Variants in SCGB2B2 observed in about 807,000 individuals in gnomAD.
SCGB2B2 encodes the protein secretoglobin family 2B member 2, also known as secretoglobin-like protein.
Under a neutral mutation model 7.6 loss-of-function variants are expected in SCGB2B2, and 11 were observed. The ratio of observed to expected loss-of-function variants is 1.45; its 90% CI spans 0.91 to 2.40. The LOEUF (loss-of-function observed/expected upper bound fraction) is 2.40. Among genes scored for constraint, SCGB2B2 ranks in the 30% most tolerant of loss-of-function variants. SCGB2B2 has a pLI of 0.00. For missense variants in SCGB2B2, 104 were observed against 115.4 expected (o/e 0.90, Z 0.45); for synonymous variants, 50 against 48.6 (o/e 1.03, Z -0.12).
intron 1 of SCGB2B2, among the ~76,000 whole-genome samples, chr19:34,607,490 G>A (rs1041229216): frequency 2.0e-5 from 3 of 152,070 alleles, no homozygotes; most frequent in South Asian, 2.1e-4. Flanking sequence ...TGGATCATAC[G>A]GTAGCTCTAT....
At chr19:34,635,345 T>A in intron 1 of SCGB2B2, 1 of 288,728 alleles carries the variant, frequency 3.5e-6, no homozygotes, top group Non-Finnish European at 7.2e-6. Context: ...ATTCACTGCA[T>A]CTGTAAGCCC....
At chr19:34,586,874 C>G (rs557679072), downstream of SCGB2B2, among the ~76,000 whole-genome samples, 63 of 152,270 alleles carry the variant, frequency 4.1e-4, no homozygotes, top group African/African-American at 1.3e-3. Context: ...AACTGCTTAT[C>G]ATGAAGTCAC....
In SCGB2B2 at chr19:34,593,480, C is replaced by CA; in HGVS notation, c.*74dup. 8.6e-7 allele frequency: 1 copy of CA among 1,165,074 alleles called. No homozygotes were observed. The highest frequency in any genetic ancestry group is 2.6e-5 in the East Asian group (1 of 38,942). 72.2% of individuals were successfully genotyped at this position (1,165,074 alleles called of 1,614,324 possible). On this transcript the variant is annotated 3_prime_UTR_variant, in exon 4 of 4. Coordinates refer to ENST00000601241, the MANE Select transcript of SCGB2B2 (RefSeq NM_001025591.4). The stretch of plus-strand genomic sequence containing the variant: ...TCATTGGGGTCTCTGTAGTGATGAA[C>CA]AGAGCCAGGCCAGGAACGCGGGGAG...
chr19:34,663,131 A>G (rs962749061), intron 1 of SCGB2B2, among the ~76,000 whole-genome samples: 30 of 152,348 alleles, frequency 2.0e-4, no homozygotes, highest in African/African-American at 7.0e-4. Flanking sequence ...GACACTGACA[A>G]TGCCACCTTG....
At chr19:34,643,270 A>G (rs2066897360) in intron 1 of SCGB2B2, among the ~76,000 whole-genome samples, 1 of 152,256 alleles carries the variant, frequency 6.6e-6, no homozygotes, top group Admixed American at 6.5e-5. Context: ...TTTTGCAGCA[A>G]CATGAATGGA....
chr19:34,631,656 A>G (rs2066538890), intron 1 of SCGB2B2, among the ~76,000 whole-genome samples: 1 of 152,182 alleles, frequency 6.6e-6, no homozygotes, highest in Non-Finnish European at 1.5e-5. Flanking sequence ...TATGGGTTAC[A>G]ACACTCAATA....
intron 1 of SCGB2B2, among the ~76,000 whole-genome samples, chr19:34,610,068 CTA>C (rs1173582301): frequency 6.6e-6 from 1 of 151,786 alleles, no homozygotes; most frequent in Non-Finnish European, 1.5e-5. Flanking sequence ...TTTTTGGTGG[CTA>C]TTTTACATGT....
At position 34,603,795 on chromosome 19, in the gene SCGB2B2, CTT is replaced by C. The variant is rs71165672; in HGVS notation, c.-2031-7203_-2031-7202del. On this transcript the variant is annotated intron_variant, in intron 1 of 3. Transcript: ENST00000601241. Reference sequence around the variant, plus strand: ...TATCTTATTTTTTAATGTTTTATTACTTTTTTTTTTTTTTTTTAACAGATAAC... The same window carrying C: ...TATCTTATTTTTTAATGTTTTATTACTTTTTTTTTTTTTTTAACAGATAAC... 4.6e-3 allele frequency among the ~76,000 whole-genome samples: 605 copies of C among 131,258 alleles called. 2 individuals are homozygous for C. Among genetic ancestry groups the C allele is most frequent in the African/African-American group, 4.8e-3 (176 of 36,552 alleles). 86.1% of individuals were successfully genotyped at this position (131,258 alleles called of 152,430 possible).
rs1394430321 is a variant in SCGB2B2, at chr19:34,619,629, A to G, written c.-2031-23035T>C. Among the ~76,000 whole-genome samples, 6 of 152,350 alleles carry G rather than the reference A, an allele frequency of 3.9e-5. No homozygotes were observed. In the East Asian group the frequency reaches 1.2e-3, roughly 29 times the overall value. ...ATCAGAAGCTGTCCACAAAGAGGAAAGGAAGCAATAAATGGCAAAAAGTCA... is the reference window on the plus strand; with the variant it reads ...ATCAGAAGCTGTCCACAAAGAGGAAGGGAAGCAATAAATGGCAAAAAGTCA... On this transcript the variant is annotated intron_variant, in intron 1 of 3. Coordinates refer to ENST00000601241, the MANE Select transcript of SCGB2B2 (RefSeq NM_001025591.4).
downstream of SCGB2B2, among the ~76,000 whole-genome samples, chr19:34,587,021 T>C (rs1337134889): frequency 6.6e-6 from 1 of 152,022 alleles, no homozygotes; most frequent in Admixed American, 6.6e-5. Context: ...GATTCTCCTG[T>C]CTCAGCCTCC....
At position 34,677,105 on chromosome 19, in the gene SCGB2B2, G is replaced by C. The variant is rs193012513; in HGVS notation, c.-3507C>G. On this transcript the variant is annotated 5_prime_UTR_variant, in exon 1 of 4. Coordinates refer to ENST00000601241, the MANE Select transcript of SCGB2B2 (RefSeq NM_001025591.4). The stretch of plus-strand genomic sequence containing the variant: ...TGCCCTTGGTTGGCGAACTACAGTC[G>C]TGACAGTCGGGCCACAGGGCGTTTT... 4.0e-5 allele frequency: 6 copies of C among 150,468 alleles called. No homozygotes were observed. The East Asian group carries it at 1.2e-3, about 30-fold the overall frequency. 9.3% of individuals were successfully genotyped at this position (150,468 alleles called of 1,614,324 possible).
intron 1 of SCGB2B2, among the ~76,000 whole-genome samples, chr19:34,596,802 C>T (rs777954734): frequency 1.3e-5 from 2 of 151,940 alleles, no homozygotes; most frequent in East Asian, 3.9e-4. Context: ...AAGAGGGCCG[C>T]AGTGGGGCTG....
At chr19:34,644,350 G>T (rs28367084) in intron 1 of SCGB2B2, among the ~76,000 whole-genome samples, 2,930 of 120,350 alleles carry the variant, frequency 0.024, 52 homozygotes, top group South Asian at 0.11. Context: ...TTGTTTTTTT[G>T]TTTTTTTTTT....
At chr19:34,615,508 T>G (rs1278860995) in intron 1 of SCGB2B2, among the ~76,000 whole-genome samples, 1 of 152,012 alleles carries the variant, frequency 6.6e-6, no homozygotes, top group Non-Finnish European at 1.5e-5. Flanking sequence ...TTCTGTGACT[T>G]TTCTGATGCA....
chr19:34,672,231 T>TTC (rs1332550972), intron 1 of SCGB2B2, among the ~76,000 whole-genome samples: 1 of 151,924 alleles, frequency 6.6e-6, no homozygotes, highest in Non-Finnish European at 1.5e-5. Context: ...TTCTCACATT[T>TTC]TTTTTTTTTG....
rs957627154 is a variant in SCGB2B2, at chr19:34,606,793, TTATGATAGG to T, written c.-2031-10208_-2031-10200del. Among the ~76,000 whole-genome samples the T allele has an allele frequency of 3.3e-5, 5 of 150,252 alleles. No homozygotes were observed. The Admixed American group carries it at 3.3e-4, about 10-fold the overall frequency. The stretch of plus-strand genomic sequence containing the variant: ...ACTCAGTTAATTTATAAATTAAACT[TTATGATAGG>T]TATGGATGCATTGTAAAAAAAAAAA... On this transcript the variant is annotated intron_variant, in intron 1 of 3. Coordinates refer to ENST00000601241, the MANE Select transcript of SCGB2B2 (RefSeq NM_001025591.4).
chr19:34,599,360 C>T lies in SCGB2B2; in HGVS notation c.-2031-2766G>A, dbSNP rs569062497. Among the ~76,000 whole-genome samples, 4 of 152,306 alleles carry T rather than the reference C, an allele frequency of 2.6e-5. No individual in the cohort carries two copies. In the South Asian group the frequency reaches 6.2e-4, roughly 24 times the overall value. On this transcript the variant is annotated intron_variant, in intron 1 of 3. Coordinates refer to ENST00000601241, the MANE Select transcript of SCGB2B2 (RefSeq NM_001025591.4). ...TCTGTATTAGTCTCTTTTCATGCTG[C>T]CAATAAAGACATACTTGAGACTCTG...
chr19:34,641,922 G>A (rs1321094418), intron 1 of SCGB2B2, among the ~76,000 whole-genome samples: 3 of 152,130 alleles, frequency 2.0e-5, no homozygotes, highest in African/African-American at 7.2e-5. Flanking sequence ...AAATAAATTT[G>A]AATGCCATTT....
chr19:34,657,378 T>C (rs979196673), intron 1 of SCGB2B2, among the ~76,000 whole-genome samples: 5 of 151,000 alleles, frequency 3.3e-5, no homozygotes, highest in African/African-American at 5.0e-5. Context: ...AAGATGCACA[T>C]AGGCTCAAAA....
Sources: allele counts gnomAD v4.1 joint callset (sites outside exome capture counted in the v4.1 genomes callset), GRCh38; gene constraint gnomAD v4.1.1; transcripts MANE v1.5; gene names NCBI Gene and HGNC (gene_info 2026-07-23, HGNC 2026-07-21).